Variants in GRIA4 observed in about 807,000 individuals in gnomAD.
The protein encoded by GRIA4 is glutamate ionotropic receptor AMPA type subunit 4.
Under a neutral mutation model 104.0 loss-of-function variants are expected in GRIA4, and 34 were observed. The ratio of observed to expected loss-of-function variants is 0.33; its 90% CI spans 0.25 to 0.44. The LOEUF (loss-of-function observed/expected upper bound fraction) is 0.44. GRIA4 is among the 20% of genes least tolerant of loss of function. The pLI is 1.00. For synonymous variants in GRIA4, 386 were observed against 381.9 expected (o/e 1.01, Z -0.13); for missense variants, 750 against 1,096.5 (o/e 0.68, Z 4.46).
In GRIA4 at chr11:105,618,299, G is replaced by A. The variant is rs114833639; in HGVS notation, c.247+5865G>A. On this transcript the variant is annotated intron_variant, in intron 3 of 16. Coordinates refer to ENST00000282499, the MANE Select transcript of GRIA4 (RefSeq NM_000829.4). Reference sequence around the variant, plus strand: ...TTATGTTTTATAAAGAACAGGCTAGGTTGCAAAAGGGAGAATCAATTGGAA... The same window carrying A: ...TTATGTTTTATAAAGAACAGGCTAGATTGCAAAAGGGAGAATCAATTGGAA... 4.5e-3 allele frequency among the ~76,000 whole-genome samples: 686 copies of A among 152,062 alleles called. 4 individuals carry two copies. Among genetic ancestry groups the A allele is most frequent in the African/African-American group, 0.016 (650 of 41,506 alleles).
chr11:105,645,499 A>T (rs930363646), intron 3 of GRIA4, among the ~76,000 whole-genome samples: 3 of 152,132 alleles, frequency 2.0e-5, no homozygotes, highest in African/African-American at 7.2e-5. Context: ...AGGGGAAATC[A>T]AAGACAATTC....
chr11:105,973,665 T>G (rs1357151593), intron 15 of GRIA4, among the ~76,000 whole-genome samples: 2 of 152,124 alleles, frequency 1.3e-5, no homozygotes, highest in Non-Finnish European at 2.9e-5. Context: ...ACATAGATAA[T>G]TATTTCTAAA....
At chr11:105,855,788 A>T (rs1434617194) in intron 4 of GRIA4, among the ~76,000 whole-genome samples, 2 of 152,136 alleles carry the variant, frequency 1.3e-5, no homozygotes, top group Non-Finnish European at 2.9e-5. Flanking sequence ...TGTTTCTAGA[A>T]TCATTGATGT....
intron 3 of GRIA4, among the ~76,000 whole-genome samples, chr11:105,646,527 T>C (rs1373480183): frequency 6.6e-6 from 1 of 152,128 alleles, no homozygotes; most frequent in East Asian, 1.9e-4. Flanking sequence ...CAAACTATAC[T>C]AAAACTGTAG....
At chr11:105,743,027 A>G (rs1939414234) in intron 3 of GRIA4, among the ~76,000 whole-genome samples, 1 of 152,026 alleles carries the variant, frequency 6.6e-6, no homozygotes, top group African/African-American at 2.4e-5. Flanking sequence ...ATGAGCCCTC[A>G]GATTTTTATG....
intron 3 of GRIA4, among the ~76,000 whole-genome samples, chr11:105,661,568 C>T (rs60984319): frequency 0.027 from 4,035 of 151,656 alleles, 103 homozygotes; most frequent in African/African-American, 0.065. Context: ...CATCATATTA[C>T]ATAAGAAAAT....
chr11:105,974,317 CGAGTGCCTTGA>C lies in GRIA4; in HGVS notation c.2419_2429del (p.Ser807ProfsTer43). On this transcript the variant is annotated frameshift_variant, in exon 16 of 17. Transcript: ENST00000282499. LOFTEE classifies it high-confidence loss of function. ...TGTCTTTATCCCCCCTAGGACAAGA[CGAGTGCCTTGA>C]GCCTGAGCAATGTAGCAGGCGTCTT... The C allele has an allele frequency of 1.2e-6, 2 of 1,613,722 alleles. No homozygotes were observed. The highest frequency in any genetic ancestry group is 1.7e-6 in the Non-Finnish European group (2 of 1,179,718).
intron 4 of GRIA4, among the ~76,000 whole-genome samples, chr11:105,850,067 A>G (rs1944746634): frequency 6.6e-6 from 1 of 152,188 alleles, no homozygotes; most frequent in Admixed American, 6.5e-5. Context: ...GAAAACCTTA[A>G]TGAGTTTCTA....
chr11:105,692,148 C>T (rs757340792), intron 3 of GRIA4, among the ~76,000 whole-genome samples: 51 of 151,314 alleles, frequency 3.4e-4, no homozygotes, highest in Non-Finnish European at 4.9e-4. Flanking sequence ...ATGACAGTGA[C>T]GACAACAATG....
intron 3 of GRIA4, among the ~76,000 whole-genome samples, chr11:105,704,983 G>C (rs927510732): frequency 2.6e-5 from 4 of 151,992 alleles, no homozygotes; most frequent in African/African-American, 7.2e-5. Flanking sequence ...ACCCATAAGA[G>C]AACACTGCTT....
chr11:105,800,205 G>A (rs1296857833), intron 4 of GRIA4, among the ~76,000 whole-genome samples: 1 of 152,026 alleles, frequency 6.6e-6, no homozygotes, highest in African/African-American at 2.4e-5. Context: ...AGATTATGGA[G>A]AACTGCAGTT....
intron 3 of GRIA4, among the ~76,000 whole-genome samples, chr11:105,728,848 A>T (rs1938395785): frequency 6.6e-6 from 1 of 152,220 alleles, no homozygotes; most frequent in Non-Finnish European, 1.5e-5. Flanking sequence ...GACACAGCTA[A>T]AGCAGTGTTT....
intron 4 of GRIA4, among the ~76,000 whole-genome samples, chr11:105,798,688 GA>G (rs1481732460): frequency 1.3e-5 from 2 of 152,074 alleles, no homozygotes; most frequent in African/African-American, 4.8e-5. Context: ...AGAAGTGGTT[GA>G]ACTCAGAATA....
At chr11:105,610,788 G>C in intron 1 of GRIA4, 120 bp from the exon 2 acceptor site, 1 of 506,310 alleles carries the variant, frequency 2.0e-6, no homozygotes, top group South Asian at 2.6e-5. Context: ...CTGGCGGCTC[G>C]CGATGGATTG....
chr11:105,831,274 G>A (rs377550569), intron 4 of GRIA4, among the ~76,000 whole-genome samples: 17 of 151,908 alleles, frequency 1.1e-4, no homozygotes, highest in Non-Finnish European at 4.4e-5. Context: ...TGACATGTAC[G>A]TTCCAAGAAG....
intron 4 of GRIA4, among the ~76,000 whole-genome samples, chr11:105,785,885 C>T (rs929328980): frequency 6.6e-6 from 1 of 151,986 alleles, no homozygotes; most frequent in Non-Finnish European, 1.5e-5. Flanking sequence ...GTGACTCACA[C>T]CTGTAATCCC....
At position 105,742,956 on chromosome 11, in the gene GRIA4, C is replaced by T. The variant is rs1046901859; in HGVS notation, c.248-10025C>T. On this transcript the variant is annotated intron_variant, in intron 3 of 16. Coordinates refer to ENST00000282499, the MANE Select transcript of GRIA4 (RefSeq NM_000829.4). Reference sequence around the variant, plus strand: ...TTCATCATGTTGGCCAGGCTGGTCTCGGACTCCTGGCCTCATGTGATCCAC... The same window carrying T: ...TTCATCATGTTGGCCAGGCTGGTCTTGGACTCCTGGCCTCATGTGATCCAC... 7.2e-5 allele frequency among the ~76,000 whole-genome samples: 11 copies of T among 152,010 alleles called. No homozygotes were observed. The East Asian group carries it at 1.5e-3, about 21-fold the overall frequency.
chr11:105,782,222 T>C (rs1010990042), intron 4 of GRIA4, among the ~76,000 whole-genome samples: 1 of 152,240 alleles, frequency 6.6e-6, no homozygotes, highest in African/African-American at 2.4e-5. Flanking sequence ...AGATATTTAC[T>C]AATGAATCTC....
chr11:105,715,507 G>A (rs1225689287), intron 3 of GRIA4, among the ~76,000 whole-genome samples: 3 of 152,144 alleles, frequency 2.0e-5, no homozygotes, highest in Non-Finnish European at 4.4e-5. Flanking sequence ...AGTACAAGAA[G>A]TCAGACCAGG....
Sources: gnomAD v4.1 joint callset for allele counts (sites outside exome capture counted in the v4.1 genomes callset) on GRCh38, gnomAD v4.1.1 for gene constraint, MANE v1.5 for transcripts, NCBI Gene and HGNC (gene_info 2026-07-23, HGNC 2026-07-21) for gene names.